ZNF547: variants seen among roughly 807,000 people sequenced by gnomAD.
The protein encoded by ZNF547 is zinc finger protein 547.
Under a neutral mutation model 7.7 loss-of-function variants are expected in ZNF547, and 4 were observed. That is an observed-to-expected ratio of 0.52 (90% confidence interval 0.26 to 1.20). The LOEUF is 1.20. Ranked by LOEUF, ZNF547 falls within the 50% of genes most tolerant of loss-of-function variation. The pLI is 0.14. For synonymous variants in ZNF547, 166 were observed against 166.2 expected, an observed-to-expected ratio of 1.00 and a Z score of 0.01; for missense variants, 449 against 485.8, an observed-to-expected ratio of 0.92 and a Z score of 0.71.
At chr19:57,369,131 G>C (rs954714105) in intron 2 of ZNF547, among the ~76,000 whole-genome samples, 3 of 152,146 alleles carry the variant, frequency 2.0e-5, no homozygotes, top group Admixed American at 6.5e-5. Flanking sequence ...AGGACAGACT[G>C]TGGAGGTGAG....
intron 3 of ZNF547, among the ~76,000 whole-genome samples, chr19:57,375,884 C>T (rs193064118): frequency 3.3e-5 from 5 of 151,920 alleles, no homozygotes; most frequent in African/African-American, 7.2e-5. Flanking sequence ...TTAGATTGGC[C>T]GGGTGCAGTG....
chr19:57,373,734 A>G (rs2088520179), intron 3 of ZNF547, among the ~76,000 whole-genome samples: 2 of 152,194 alleles, frequency 1.3e-5, no homozygotes, highest in African/African-American at 2.4e-5. Flanking sequence ...GGCAGTCATT[A>G]AATCTTAATG....
At chr19:57,365,038 G>A (rs770328516) in intron 1 of ZNF547, 3 of 1,612,052 alleles carry the variant, frequency 1.9e-6, no homozygotes, top group Non-Finnish European at 2.5e-6. Context: ...CAAGTTCAAC[G>A]AGTGGTTTGT....
intron 1 of ZNF547, chr19:57,365,259 G>A (rs1318585526): frequency 1.3e-6 from 2 of 1,549,860 alleles, no homozygotes; most frequent in Non-Finnish European, 8.8e-7. Context: ...TAAGCTGAAT[G>A]GAGAAAATTC....
chr19:57,368,478 G>A (rs2088484422), intron 1 of ZNF547, 66 bp from the exon 2 acceptor site: 1 of 1,473,728 alleles, frequency 6.8e-7, no homozygotes, highest in African/African-American at 1.4e-5. Context: ...AAGAGATGGT[G>A]GTCCAACTCT....
chr19:57,364,250 A>AT (rs112859190), intron 1 of ZNF547: 10,519 of 147,258 alleles, frequency 0.071, 624 homozygotes, highest in African/African-American at 0.17. Context: ...GTGAAGGGTC[A>AT]TTTTTTTTTT....
At chr19:57,368,272 C>G (rs2088482432) in intron 1 of ZNF547, 1 of 408,118 alleles carries the variant, frequency 2.5e-6, no homozygotes, top group Non-Finnish European at 4.4e-6. Flanking sequence ...ATATGATGAG[C>G]AACGAGTGTT....
rs753226558 is a variant in ZNF547 at position 57,377,806 on chromosome 19, T to C, written c.830T>C (p.Phe277Ser). The change falls in exon 4 of 4, where the codon TTT becomes TCT. Residue 277 changes from phenylalanine (F) to serine (S), a missense_variant. By Grantham distance (155) the Phe-to-Ser change is radical. Transcript: ENST00000282282. The stretch of plus-strand genomic sequence containing the variant: ...GGTTGCAGTGAATGTGGGAAGTTCT[T>C]TAAGTGCAACTCAAACCTCTTTAGG... Reference protein sequence around the residue: ...PYGCSECGKFFKCNSNLFRHY... With the variant: ...PYGCSECGKFSKCNSNLFRHY... 1 of 1,614,136 alleles carries C rather than the reference T, an allele frequency of 6.2e-7. No homozygotes were observed. Among genetic ancestry groups the C allele is most frequent in the Non-Finnish European group, 8.5e-7 (1 of 1,180,018 alleles).
chr19:57,366,263 C>T (rs1600074984), intron 1 of ZNF547, among the ~76,000 whole-genome samples: 1 of 149,014 alleles, frequency 6.7e-6, no homozygotes, highest in Non-Finnish European at 1.5e-5. Flanking sequence ...TCCTGTCATG[C>T]AGGCTGGAGT....
At position 57,377,680 on chromosome 19, in the gene ZNF547, CTG is replaced by C. The variant is rs776532592; in HGVS notation, c.705_706del (p.Gly236ArgfsTer5). On this transcript the variant is annotated frameshift_variant, in exon 4 of 4. Coordinates refer to ENST00000282282, the MANE Select transcript of ZNF547 (RefSeq NM_173631.4). LOFTEE classifies it low-confidence loss of function (END_TRUNC). Reference sequence around the variant, plus strand: ...CTTGTTCGTCACCAGACAATCCACTCTGGAGAAAGGCCTTATGAGTGCAGTGA... The same window carrying C: ...CTTGTTCGTCACCAGACAATCCACTCGAGAAAGGCCTTATGAGTGCAGTGA... The C allele has an allele frequency of 6.2e-7, 1 of 1,612,360 alleles. No homozygotes were observed. The highest frequency in any genetic ancestry group is 8.5e-7 in the Non-Finnish European group (1 of 1,178,658).
At chr19:57,366,087 A>G (rs1297398371) in intron 1 of ZNF547, among the ~76,000 whole-genome samples, 1 of 149,184 alleles carries the variant, frequency 6.7e-6, no homozygotes, top group Non-Finnish European at 1.5e-5. Flanking sequence ...CTGGTCTTGA[A>G]CTCCTGACCT....
At chr19:57,367,426 G>GAAA (rs750776299) in intron 1 of ZNF547, among the ~76,000 whole-genome samples, 1 of 65,682 alleles carries the variant, frequency 1.5e-5, no homozygotes, top group South Asian at 5.4e-4. Flanking sequence ...GTTTGTTCAA[G>GAAA]AAAAAAAAAA....
At chr19:57,365,055 A>T (rs1379828304) in intron 1 of ZNF547, 9 of 1,611,658 alleles carry the variant, frequency 5.6e-6, no homozygotes, top group Non-Finnish European at 5.9e-6. Context: ...TTGTGTCAGC[A>T]TTTGTCACCG....
Position 57,377,917 on chromosome 19 carries a change from A to G in ZNF547, c.941A>G (p.His314Arg), listed in dbSNP as rs371812080. The change falls in exon 4 of 4, where the codon CAT (histidine) becomes CGT (arginine). Residue 314 changes from histidine (H) to arginine (R), a missense_variant. Physicochemically the swap from His to Arg is conservative, Grantham distance 29. Coordinates refer to ENST00000282282, the MANE Select transcript of ZNF547 (RefSeq NM_173631.4). Reference protein sequence around the residue: ...FFMERSTLSRHQRVHTGERPY... With the variant: ...FFMERSTLSRRQRVHTGERPY... ...ATGGAAAGGTCTACACTCAGTAGAC[A>G]TCAGAGAGTTCACACTGGAGAAAGG... 13 of 1,614,090 alleles carry G rather than the reference A, an allele frequency of 8.1e-6. No individual in the cohort carries two copies. Among genetic ancestry groups the G allele is most frequent in the East Asian group, 4.5e-5 (2 of 44,898 alleles).
At chr19:57,364,819 C>T in intron 1 of ZNF547, 2 of 1,591,396 alleles carry the variant, frequency 1.3e-6, no homozygotes, top group Non-Finnish European at 1.7e-6. Flanking sequence ...CTGCAGGAGC[C>T]ATATATTGAA....
intron 3 of ZNF547, among the ~76,000 whole-genome samples, chr19:57,374,826 C>T (rs1003711523): frequency 2.6e-5 from 4 of 152,176 alleles, no homozygotes; most frequent in Non-Finnish European, 4.4e-5. Flanking sequence ...ACAGCCTGGG[C>T]TTCATGGCCC....
In ZNF547 at chr19:57,370,447, A is replaced by C. The variant is rs996441183; in HGVS notation, c.25-1335A>C. Among the ~76,000 whole-genome samples the C allele has an allele frequency of 2.0e-5, 3 of 152,120 alleles. No homozygotes were observed. The East Asian group carries it at 5.8e-4, about 29-fold the overall frequency. On this transcript the variant is annotated intron_variant, in intron 2 of 3. Transcript: ENST00000282282. ...ATGCTGAGCGTATTTGCCGTGCACC[A>C]CCTGGTTTCTGTGTGCAGAGTGGCC...
intron 1 of ZNF547, chr19:57,364,793 C>T (rs1290461874): frequency 6.6e-7 from 1 of 1,517,752 alleles, no homozygotes; most frequent in African/African-American, 1.4e-5. Context: ...ATTGCGTTTC[C>T]GTTGTCGGCC....
At chr19:57,366,430 G>A (rs2088470163) in intron 1 of ZNF547, among the ~76,000 whole-genome samples, 1 of 150,202 alleles carries the variant, frequency 6.7e-6, no homozygotes, top group Middle Eastern at 3.5e-3. Flanking sequence ...GGCTGGTCTT[G>A]AACTCCTGAC....
Sources: allele counts gnomAD v4.1 joint callset (sites outside exome capture counted in the v4.1 genomes callset), GRCh38; gene constraint gnomAD v4.1.1; transcripts MANE v1.5; gene names NCBI Gene and HGNC (gene_info 2026-07-23, HGNC 2026-07-21).